EPN1: variants seen among roughly 807,000 people sequenced by gnomAD.
The protein encoded by EPN1 is epsin 1, also known as epsin-1.
Under a neutral mutation model 56.9 loss-of-function variants are expected in EPN1, and 25 were observed. That is an observed-to-expected ratio of 0.44 (90% CI 0.32 to 0.61). EPN1 has a LOEUF of 0.61. Among genes scored for constraint, EPN1 ranks in the 20% least tolerant of loss-of-function variants. EPN1 has a pLI of 0.05. For missense variants in EPN1, 785 were observed against 823.7 expected, an observed-to-expected ratio of 0.95 and a Z score of 0.58; for synonymous variants, 411 against 361.8, an observed-to-expected ratio of 1.14 and a Z score of -1.54.
At position 55,691,841 on chromosome 19, in the gene EPN1, G is replaced by A. The variant is rs771845095; in HGVS notation, c.850G>A (p.Ala284Thr). The part of the protein sequence containing the change: ...DPWGGPAPMA[A>T]AVPTAAPTSD... ...CTGGGGGGGCCCAGCACCCATGGCT[G>A]CTGCCGTCCCCACGGCTGCCCCCAC... The change falls in exon 7 of 11, where the codon GCT (alanine) becomes ACT (threonine). Residue 284 changes from alanine to threonine, a missense_variant. By Grantham distance (58) the Ala-to-Thr change is moderately conservative. Coordinates refer to ENST00000270460, the MANE Select transcript of EPN1 (RefSeq NM_001130072.2). The surrounding 1 kb of genome is among the most constrained non-coding windows in gnomAD (Gnocchi z 5.6). The A allele has an allele frequency of 3.6e-5, 58 of 1,607,094 alleles. No homozygotes were observed. Among genetic ancestry groups the A allele is most frequent in the Non-Finnish European group, 4.4e-5 (52 of 1,176,256 alleles).
Position 55,685,652 on chromosome 19 carries a change from C to T in EPN1, c.478+7C>T, listed in dbSNP as rs1159276074. 6 of 1,588,192 alleles carry T rather than the reference C, an allele frequency of 3.8e-6. No individual in the cohort carries two copies. The highest frequency in any genetic ancestry group is 5.1e-6 in the Non-Finnish European group (6 of 1,170,030). On this transcript the variant is annotated splice_region_variant and intron_variant, in intron 3 of 10. Transcript: ENST00000270460. ...CTGGCACAGACCGCCACGGGTGAGT[C>T]CCTCCCTGCGGCCCCTGACGGCCTA...
intron 3 of EPN1, among the ~76,000 whole-genome samples, chr19:55,686,868 G>A (rs1244845126): frequency 3.9e-5 from 6 of 151,920 alleles, no homozygotes; most frequent in Non-Finnish European, 4.4e-5. Flanking sequence ...GCAGTAGCTC[G>A]GAGGAGAGTG....
chr19:55,677,775 C>T, intron 1 of EPN1: 1 of 1,471,940 alleles, frequency 6.8e-7, no homozygotes, highest in Non-Finnish European at 9.0e-7. Flanking sequence ...ATCCCTTCAT[C>T]AGCCTTCTTT....
chr19:55,685,950 G>A, intron 3 of EPN1, among the ~76,000 whole-genome samples: 1 of 152,254 alleles, frequency 6.6e-6, no homozygotes, highest in Non-Finnish European at 1.5e-5. Flanking sequence ...CAGTGCTGGG[G>A]ACAGGGCTCT....
rs1600115210 is a variant in EPN1, at chr19:55,701,956, A to ATTATTTT, written c.*6602_*6603insATTTTTT. On this transcript the variant is annotated 3_prime_UTR_variant, in exon 11 of 11. Transcript: ENST00000270460. Reference sequence around the variant, plus strand: ...CAGAGTCTCTAGCAGCCCCCACCCCATTCTTTTTTTTTTTTTTTTTTTTGA... The same window carrying ATTATTTT: ...CAGAGTCTCTAGCAGCCCCCACCCCATTATTTTTTCTTTTTTTTTTTTTTTTTTTTGA... 1.0e-5 allele frequency: 1 copy of ATTATTTT among 95,576 alleles called. No homozygotes were observed. The highest frequency in any genetic ancestry group is 2.0e-5 in the Non-Finnish European group (1 of 49,688). The allele number at this position is 95,576 out of a possible 1,614,324, so 5.9% of individuals were successfully genotyped here. A position where few individuals can be genotyped will look rare whatever the true frequency, so the allele number is the denominator to read the frequency against.
At chr19:55,692,586 G>C in intron 7 of EPN1, 100 bp from the exon 8 acceptor site, 1 of 755,780 alleles carries the variant, frequency 1.3e-6, no homozygotes, top group Non-Finnish European at 2.1e-6. Context: ...GGGCAGGGGG[G>C]CTTTTGTGTG....
chr19:55,680,701 C>G (rs1047368348), intron 2 of EPN1: 1 of 152,408 alleles, frequency 6.6e-6, no homozygotes. Flanking sequence ...GAGGGGGTCC[C>G]TGGGTCCACG....
At chr19:55,680,699 C>T (rs1882906175) in intron 2 of EPN1, 2 of 152,370 alleles carry the variant, frequency 1.3e-5, no homozygotes, top group Non-Finnish European at 2.9e-5. Context: ...AGGAGGGGGT[C>T]CCTGGGTCCA....
In EPN1 at chr19:55,701,959, CTTTT is replaced by C. The variant is rs1160028473; in HGVS notation, c.*6620_*6623del. On this transcript the variant is annotated 3_prime_UTR_variant, in exon 11 of 11. Coordinates refer to ENST00000270460, the MANE Select transcript of EPN1 (RefSeq NM_001130072.2). ...AGTCTCTAGCAGCCCCCACCCCATT[CTTTT>C]TTTTTTTTTTTTTTTTGAGATGGAG... 2.7e-4 allele frequency: 30 copies of C among 110,790 alleles called. No homozygotes were observed. Among genetic ancestry groups the C allele is most frequent in the Middle Eastern group, 5.6e-3 (1 of 178 alleles). 6.9% of individuals were successfully genotyped at this position (110,790 alleles called of 1,614,324 possible). A position where few individuals can be genotyped will look rare whatever the true frequency, so the allele number is the denominator to read the frequency against.
chr19:55,686,084 G>A (rs947828074), intron 3 of EPN1, among the ~76,000 whole-genome samples: 2 of 152,242 alleles, frequency 1.3e-5, no homozygotes, highest in African/African-American at 4.8e-5. Context: ...GCCAGGGCCT[G>A]CAGGTTGCAC....
chr19:55,694,075 C>G lies in EPN1; in HGVS notation c.1265-651C>G, dbSNP rs1417968059. 6.6e-6 allele frequency: 1 copy of G among 152,166 alleles called. No homozygotes were observed. Among genetic ancestry groups the G allele is most frequent in the Non-Finnish European group, 1.5e-5 (1 of 68,064 alleles). 9.4% of individuals were successfully genotyped at this position (152,166 alleles called of 1,614,324 possible). On this transcript the variant is annotated intron_variant, in intron 9 of 10. Coordinates refer to ENST00000270460, the MANE Select transcript of EPN1 (RefSeq NM_001130072.2). The surrounding 1 kb of genome is among the most constrained non-coding windows in gnomAD (Gnocchi z 4.2). ...CTACTAAAAACACAAAATTATTACC[C>G]AGGCATGGTGGCGCACGCCTGTAAT...
intron 1 of EPN1, among the ~76,000 whole-genome samples, chr19:55,675,761 C>T (rs1985365817): frequency 6.6e-6 from 1 of 152,142 alleles, no homozygotes; most frequent in Admixed American, 6.5e-5. Context: ...CTGTGTCTGT[C>T]AGGATTTGTT....
chr19:55,678,149 C>T (rs1001248564), intron 1 of EPN1, among the ~76,000 whole-genome samples: 3 of 151,994 alleles, frequency 2.0e-5, no homozygotes, highest in East Asian at 1.9e-4. Context: ...ATGGGCAGGA[C>T]GGAGGGCCTC....
At chr19:55,684,458 C>T (rs891376245) in intron 2 of EPN1, among the ~76,000 whole-genome samples, 2 of 152,074 alleles carry the variant, frequency 1.3e-5, no homozygotes, top group African/African-American at 4.8e-5. Flanking sequence ...GACCTTGGTC[C>T]CCCCGCCCCC....
Position 55,709,043 on chromosome 19 carries a change from GC to G in EPN1, c.*13689del, listed in dbSNP as rs761753041. 3 of 1,557,306 alleles carry G rather than the reference GC, an allele frequency of 1.9e-6. No homozygotes were observed. In the Admixed American group the frequency reaches 6.8e-5, roughly 35 times the overall value. ...TCTTCATCAAAGCCAGATTTGTGCA[GC>G]CTGGGAAAATAGAAATAAAGTTTTT... On this transcript the variant is annotated 3_prime_UTR_variant, in exon 11 of 11. Coordinates refer to ENST00000270460, the MANE Select transcript of EPN1 (RefSeq NM_001130072.2).
At position 55,693,021 on chromosome 19, in the gene EPN1, C is replaced by T. The variant is rs775234707; in HGVS notation, c.1248C>T (p.Thr416=). The change falls in exon 9 of 11, where the codon ACC becomes ACT. Residue 416 remains threonine, a synonymous_variant. Coordinates refer to ENST00000270460, the MANE Select transcript of EPN1 (RefSeq NM_001130072.2). ...ACCGACTCCGCACGGCACTGCCGAC[C>T]TCCGGGAGCAGCGCAGGTGAGCCCC... ...DFDRLRTALP[T]SGSSAGELEL... 31 of 1,613,014 alleles carry T rather than the reference C, an allele frequency of 1.9e-5. No individual in the cohort carries two copies. Among genetic ancestry groups the T allele is most frequent in the Non-Finnish European group, 2.5e-5 (29 of 1,179,470 alleles).
intron 1 of EPN1, among the ~76,000 whole-genome samples, chr19:55,676,032 C>T (rs1985392723): frequency 6.6e-6 from 1 of 152,182 alleles, no homozygotes; most frequent in South Asian, 2.1e-4. Flanking sequence ...GCCCGGCTGC[C>T]TGCTAAGCTG....
At position 55,688,898 on chromosome 19, in the gene EPN1, C is replaced by T. The variant is rs913077931; in HGVS notation, c.507C>T (p.Pro169=). 1 of 1,581,094 alleles carries T rather than the reference C, an allele frequency of 6.3e-7. No homozygotes were observed. Among genetic ancestry groups the T allele is most frequent in the Admixed American group, 1.8e-5 (1 of 54,702 alleles). ...CATCAGCAGCTGTGGGCTCAGGCCC[C>T]CCTCCCGAGGCGGAGCAGGCGTGGC... ...TASSAAVGSG[P]PPEAEQAWPQ... is the part of the protein sequence containing the mutation. The change falls in exon 4 of 11, where the codon CCC becomes CCT. Residue 169 remains proline (P), a synonymous_variant. Coordinates refer to ENST00000270460, the MANE Select transcript of EPN1 (RefSeq NM_001130072.2).
At chr19:55,677,349 C>A in intron 1 of EPN1, 1 of 718,512 alleles carries the variant, frequency 1.4e-6, no homozygotes, top group Non-Finnish European at 2.5e-6. Flanking sequence ...CAGTGCCTGG[C>A]ATGGGATAAG....
Sources: allele counts gnomAD v4.1 joint callset (sites outside exome capture counted in the v4.1 genomes callset), GRCh38; gene constraint gnomAD v4.1.1; non-coding constraint Gnocchi (gnomAD v3.1); transcripts MANE v1.5; gene names NCBI Gene and HGNC (gene_info 2026-07-23, HGNC 2026-07-21).